TSNARE1: variants seen among roughly 807,000 people sequenced by gnomAD.
TSNARE1 encodes the protein t-SNARE domain-containing protein 1.
Under a neutral mutation model 62.0 loss-of-function variants are expected in TSNARE1, and 49 were observed. The ratio of observed to expected loss-of-function variants is 0.79; its 90% CI spans 0.63 to 1.00. The LOEUF is 1.00. Ranked by LOEUF, TSNARE1 falls within the 50% of genes least tolerant of loss-of-function variation. The probability of loss-of-function intolerance (pLI) is 0.00; values close to 1 mark genes in which losing one functional copy is unlikely to be tolerated. For synonymous variants in TSNARE1, 328 were observed against 294.4 expected (o/e 1.11, Z -1.17); for missense variants, 755 against 700.1 (o/e 1.08, Z -0.88).
intron 10 of TSNARE1, among the ~76,000 whole-genome samples, chr8:142,286,501 G>A (rs1250124791): frequency 6.6e-6 from 1 of 152,224 alleles, no homozygotes; most frequent in East Asian, 1.9e-4. Context: ...GCAGTGGCTG[G>A]GAAGGTAGCG....
intron 1 of TSNARE1, among the ~76,000 whole-genome samples, chr8:142,399,999 A>G (rs1358985821): frequency 6.6e-6 from 1 of 151,902 alleles, no homozygotes; most frequent in Non-Finnish European, 1.5e-5. Context: ...GTTCAAGACC[A>G]GCCTGGGCAA....
rs761506210 is a variant in TSNARE1, at chr8:142,344,114, C to G, written c.597G>C (p.Leu199=). Residue 199 remains leucine, a synonymous_variant, in exon 4 of 14, where the codon CTG becomes CTC. Transcript: ENST00000524325. ...RDLRAVVRRK[L]GDLRKAAHGP... ...CATGGGCCGCCTTCCGGAGGTCGCC[C>G]AGCTTGCGCCGCACGACGGCTCGTA... is the stretch of plus-strand genomic sequence containing the variant. The G allele has an allele frequency of 1.2e-6, 2 of 1,611,568 alleles. No homozygotes were observed. Among genetic ancestry groups the G allele is most frequent in the South Asian group, 2.2e-5 (2 of 90,958 alleles).
chr8:142,319,880 C>T lies in TSNARE1; in HGVS notation c.894-1246G>A, dbSNP rs1264057764. Among the ~76,000 whole-genome samples the T allele has an allele frequency of 5.3e-5, 8 of 152,164 alleles. No homozygotes were observed. The highest frequency in any genetic ancestry group is 1.0e-4 in the Non-Finnish European group (7 of 68,000). On this transcript the variant is annotated intron_variant, in intron 6 of 13. Transcript: ENST00000524325. The surrounding 1 kb of genome is among the most constrained non-coding windows in gnomAD (Gnocchi z 4.9). ...AGGTTACTACAGACTAGGCGGGAAG[C>T]GCGGGGACAGGAGCTTTCTTCCCCG... is the stretch of plus-strand genomic sequence containing the variant.
chr8:142,283,889 G>A (rs1408087952), intron 11 of TSNARE1, among the ~76,000 whole-genome samples: 5 of 142,510 alleles, frequency 3.5e-5, no homozygotes, highest in Non-Finnish European at 7.9e-5. Flanking sequence ...CAGTGTCAAT[G>A]AACAGAGGCG....
intron 11 of TSNARE1, chr8:142,277,647 T>C: frequency 1.0e-6 from 1 of 985,350 alleles, no homozygotes; most frequent in Non-Finnish European, 1.2e-6. Context: ...ATTCAACACG[T>C]CAGTTGCTGT....
In TSNARE1 at chr8:142,382,432, C is replaced by A. The variant is rs865866787; in HGVS notation, c.-40+20672G>T. Among the ~76,000 whole-genome samples, 28 of 152,304 alleles carry A rather than the reference C, an allele frequency of 1.8e-4. 1 individual carries two copies. The highest frequency in any genetic ancestry group is 3.4e-3 in the Middle Eastern group (1 of 294). On this transcript the variant is annotated intron_variant, in intron 1 of 13. Coordinates refer to ENST00000524325, the MANE Select transcript of TSNARE1 (RefSeq NM_145003.5). ...CCGGCCTCTGCCCACTGACCAGCTG[C>A]CGGCACTGCCCGCCAGTCCCTTCTG...
chr8:142,401,563 A>G (rs1838295827), intron 1 of TSNARE1, among the ~76,000 whole-genome samples: 1 of 152,146 alleles, frequency 6.6e-6, no homozygotes, highest in South Asian at 2.1e-4. Context: ...GAGCCCCTAG[A>G]CTGAGTGCCT....
At chr8:142,264,512 C>T (rs1302937148) in intron 12 of TSNARE1, among the ~76,000 whole-genome samples, 1 of 152,200 alleles carries the variant, frequency 6.6e-6, no homozygotes, top group African/African-American at 2.4e-5. Flanking sequence ...AAACAACGTG[C>T]TGAAACCTTC....
chr8:142,254,903 C>T (rs563840613), intron 12 of TSNARE1, among the ~76,000 whole-genome samples: 2 of 152,312 alleles, frequency 1.3e-5, no homozygotes, highest in Admixed American at 6.5e-5. Flanking sequence ...ATGCCCTCCC[C>T]TGCCTGCCAC....
chr8:142,266,371 A>G (rs567132217), intron 12 of TSNARE1, among the ~76,000 whole-genome samples: 35 of 152,266 alleles, frequency 2.3e-4, no homozygotes, highest in African/African-American at 8.4e-4. Context: ...CCAGTCCTTC[A>G]CCTTGAAGTC....
At chr8:142,222,966 AT>A (rs1384467479) in intron 13 of TSNARE1, among the ~76,000 whole-genome samples, 24 of 151,088 alleles carry the variant, frequency 1.6e-4, no homozygotes, top group African/African-American at 4.9e-4. Context: ...TCACTCACTC[AT>A]TCACTCACTC....
intron 10 of TSNARE1, among the ~76,000 whole-genome samples, chr8:142,286,102 C>T (rs558725804): frequency 2.6e-5 from 4 of 152,338 alleles, no homozygotes; most frequent in South Asian, 4.1e-4. Flanking sequence ...ACGGCTCCTC[C>T]GCTGGCCAGA....
chr8:142,234,820 G>C (rs911155312), intron 12 of TSNARE1, among the ~76,000 whole-genome samples: 5 of 152,020 alleles, frequency 3.3e-5, no homozygotes, highest in Admixed American at 3.3e-4. Flanking sequence ...ACACATCTGG[G>C]GAGGCTCACC....
chr8:142,382,150 T>C (rs546837310), intron 1 of TSNARE1, among the ~76,000 whole-genome samples: 1 of 152,244 alleles, frequency 6.6e-6, no homozygotes, highest in East Asian at 1.9e-4. Context: ...TGAGCGTGTG[T>C]GCTCATGTGT....
At chr8:142,355,787 A>C (rs908316254) in intron 1 of TSNARE1, among the ~76,000 whole-genome samples, 1 of 152,192 alleles carries the variant, frequency 6.6e-6, no homozygotes, top group Admixed American at 6.5e-5. Flanking sequence ...AGTGAGCCTC[A>C]CGCCAGCTGA....
chr8:142,379,711 C>A (rs1256234166), intron 1 of TSNARE1, among the ~76,000 whole-genome samples: 2 of 152,174 alleles, frequency 1.3e-5, no homozygotes, highest in Non-Finnish European at 2.9e-5. Context: ...CCCAAGCCCC[C>A]AAGTCAGGTG....
chr8:142,378,948 A>G (rs1475038548), intron 1 of TSNARE1, among the ~76,000 whole-genome samples: 1 of 152,060 alleles, frequency 6.6e-6, no homozygotes, highest in Non-Finnish European at 1.5e-5. Flanking sequence ...GCCCAGGCAG[A>G]CACCCTTCCC....
chr8:142,273,112 G>A (rs1819868795), intron 12 of TSNARE1: 2 of 985,454 alleles, frequency 2.0e-6, no homozygotes, highest in Non-Finnish European at 1.2e-6. Flanking sequence ...TGAGCCCACA[G>A]GCTCACTGGG....
rs1818919268 is a variant in TSNARE1, at chr8:142,262,034, AGCTGCTCAC to A, written c.1446+12738_1446+12746del. ...TGGTGTCCCTCTCACAGGCTCATGAAGCTGCTCACGCCAACCTGCTCATGGTAACAAGAC... is the reference window on the plus strand; with the variant it reads ...TGGTGTCCCTCTCACAGGCTCATGAAGCCAACCTGCTCATGGTAACAAGAC... On this transcript the variant is annotated intron_variant, in intron 12 of 13. Transcript: ENST00000524325. Among the ~76,000 whole-genome samples the A allele has an allele frequency of 3.9e-5, 6 of 152,332 alleles. No individual in the cohort carries two copies. The South Asian group carries it at 1.2e-3, about 32-fold the overall frequency.
Sources: gnomAD v4.1 joint callset for allele counts (sites outside exome capture counted in the v4.1 genomes callset) on GRCh38, gnomAD v4.1.1 for gene constraint, Gnocchi (gnomAD v3.1) non-coding constraint, MANE v1.5 for transcripts, NCBI Gene and HGNC (gene_info 2026-07-23, HGNC 2026-07-21) for gene names.